Variants in CYRIB observed in about 807,000 individuals in gnomAD.
The protein encoded by CYRIB is CYFIP related Rac1 interactor B.
Under a neutral mutation model 44.2 loss-of-function variants are expected in CYRIB, and 8 were observed. The observed-to-expected ratio is 0.18, with a 90% CI of 0.11 to 0.33. The LOEUF is 0.33. CYRIB is among the 10% of genes least tolerant of loss of function. The pLI, the probability that CYRIB is intolerant of heterozygous loss-of-function variation, is 1.00. For synonymous variants in CYRIB, 131 were observed against 127.2 expected (o/e 1.03, Z -0.20); for missense variants, 185 against 382.8 (o/e 0.48, Z 4.31).
At chr8:129,935,348 C>A (rs1042898271) in intron 1 of CYRIB, among the ~76,000 whole-genome samples, 4 of 152,188 alleles carry the variant, frequency 2.6e-5, no homozygotes, top group African/African-American at 9.6e-5. Context: ...AATTTTTCCA[C>A]GGACAGGGCG....
At chr8:129,951,249 A>G (rs567303476) in intron 2 of CYRIB, among the ~76,000 whole-genome samples, 18 of 152,304 alleles carry the variant, frequency 1.2e-4, no homozygotes, top group Admixed American at 3.9e-4. Context: ...AGTTGCAGTG[A>G]GCCGAGACTG....
At chr8:129,922,629 C>T (rs1035805057) in intron 1 of CYRIB, among the ~76,000 whole-genome samples, 18 of 143,190 alleles carry the variant, frequency 1.3e-4, no homozygotes, top group Admixed American at 2.1e-4. Flanking sequence ...TTTGGGAGGC[C>T]GAGGCGGGCG....
intron 7 of CYRIB, among the ~76,000 whole-genome samples, chr8:129,852,691 T>C (rs183373025): frequency 2.8e-4 from 43 of 152,096 alleles, no homozygotes; most frequent in Non-Finnish European, 3.8e-4. Flanking sequence ...AGGAGAAGAG[T>C]TATCCTTTTG....
At chr8:130,016,857 T>TG (rs1185270123), upstream of CYRIB, among the ~76,000 whole-genome samples, 2 of 151,918 alleles carry the variant, frequency 1.3e-5, no homozygotes, top group African/African-American at 4.8e-5. Context: ...GCGCTGCGAT[T>TG]GGGGGTCATC....
intron 10 of CYRIB, among the ~76,000 whole-genome samples, chr8:129,847,705 T>C (rs1449671192): frequency 1.3e-5 from 2 of 152,188 alleles, no homozygotes; most frequent in Non-Finnish European, 2.9e-5. Flanking sequence ...GACGATGGTA[T>C]TTAAGATATA....
intron 1 of CYRIB, among the ~76,000 whole-genome samples, chr8:129,915,880 C>T (rs1292990837): frequency 6.6e-6 from 1 of 152,138 alleles, no homozygotes; most frequent in Non-Finnish European, 1.5e-5. Context: ...AACTATCTCA[C>T]TCAAGCTTTA....
intron 11 of CYRIB, among the ~76,000 whole-genome samples, chr8:129,842,793 A>T (rs1256803704): frequency 6.6e-6 from 1 of 152,214 alleles, no homozygotes; most frequent in Non-Finnish European, 1.5e-5. Context: ...TGTAACAGAA[A>T]CCATGTGGCC....
At chr8:130,001,683 C>T (rs1013519252) in intron 1 of CYRIB, among the ~76,000 whole-genome samples, 3 of 151,842 alleles carry the variant, frequency 2.0e-5, no homozygotes, top group Non-Finnish European at 2.9e-5. Context: ...TGCGCCACCA[C>T]GCCTGGCTAG....
At chr8:129,848,380 A>C (rs2041452749) in intron 10 of CYRIB, among the ~76,000 whole-genome samples, 1 of 152,222 alleles carries the variant, frequency 6.6e-6, no homozygotes, top group Admixed American at 6.5e-5. Context: ...TTCTCACCAA[A>C]CACTAATGAA....
chr8:129,839,874 A>G (rs1240126138), exon 12 of CYRIB: 1 of 152,150 alleles, frequency 6.6e-6, no homozygotes, highest in Non-Finnish European at 1.5e-5. Flanking sequence ...CCGCTGCATC[A>G]TTATTTTTGA....
chr8:129,965,607 T>C (rs977060928), intron 2 of CYRIB, among the ~76,000 whole-genome samples: 2 of 151,850 alleles, frequency 1.3e-5, no homozygotes, highest in Non-Finnish European at 2.9e-5. Context: ...CCGTCCTGGC[T>C]AACACGGTGA....
intron 2 of CYRIB, among the ~76,000 whole-genome samples, chr8:129,953,550 T>C (rs148432527): frequency 4.6e-5 from 7 of 152,202 alleles, no homozygotes; most frequent in African/African-American, 1.7e-4. Flanking sequence ...AATTGTATGG[T>C]TATTGTGTGG....
chr8:129,879,516 A>G (rs2060179028), intron 2 of CYRIB, 45 bp from the exon 5 acceptor site: 10 of 1,350,002 alleles, frequency 7.4e-6, no homozygotes, highest in African/African-American at 1.5e-5. Context: ...CCTTTATAAA[A>G]AAGAACATCT....
intron 1 of CYRIB, among the ~76,000 whole-genome samples, chr8:129,975,463 A>C (rs1435223168): frequency 6.6e-6 from 1 of 152,236 alleles, no homozygotes; most frequent in Non-Finnish European, 1.5e-5. Flanking sequence ...CATTACCTTT[A>C]GTATAAAAGA....
intron 1 of CYRIB, among the ~76,000 whole-genome samples, chr8:130,007,617 G>A (rs554335224): frequency 1.0e-3 from 152 of 151,156 alleles, no homozygotes; most frequent in Non-Finnish European, 1.8e-3. Flanking sequence ...AAACCCTGTC[G>A]CTACTAAAAA....
chr8:129,916,671 C>T (rs1035894675), intron 1 of CYRIB, among the ~76,000 whole-genome samples: 4 of 152,130 alleles, frequency 2.6e-5, no homozygotes, highest in South Asian at 2.1e-4. Flanking sequence ...AGGCTTTTCC[C>T]GAGGACTCCA....
chr8:129,918,772 A>T (rs982865666), intron 1 of CYRIB, among the ~76,000 whole-genome samples: 1 of 152,252 alleles, frequency 6.6e-6, no homozygotes. Context: ...TGAGTGAATA[A>T]GCAAACATCA....
intron 2 of CYRIB, among the ~76,000 whole-genome samples, chr8:129,945,669 A>G (rs1405889226): frequency 6.6e-6 from 1 of 152,154 alleles, no homozygotes; most frequent in Non-Finnish European, 1.5e-5. Flanking sequence ...CCCGAGTTCA[A>G]GCGACTTTCC....
At chr8:129,978,786 T>A (rs2096072497) in intron 1 of CYRIB, among the ~76,000 whole-genome samples, 2 of 152,176 alleles carry the variant, frequency 1.3e-5, no homozygotes. Context: ...ACCAGCTAAG[T>A]GCGTGTACAC....
Sources: gnomAD v4.1 joint callset for allele counts (sites outside exome capture counted in the v4.1 genomes callset) on GRCh38, gnomAD v4.1.1 for gene constraint, MANE v1.5 for transcripts, NCBI Gene and HGNC (gene_info 2026-07-23, HGNC 2026-07-21) for gene names.